Variants in CPEB3 observed in about 807,000 individuals in gnomAD.
The protein encoded by CPEB3 is cytoplasmic polyadenylation element-binding protein 3.
Under a neutral mutation model 67.2 loss-of-function variants are expected in CPEB3, and 20 were observed. The ratio of observed to expected loss-of-function variants is 0.30; its 90% CI spans 0.21 to 0.43. The LOEUF is 0.43. CPEB3 is among the 20% of genes least tolerant of loss of function. The pLI, the probability that CPEB3 is intolerant of heterozygous loss-of-function variation, is 1.00. For synonymous variants in CPEB3, 376 were observed against 393.1 expected (o/e 0.96, Z 0.51); for missense variants, 746 against 968.6 (o/e 0.77, Z 3.05).
chr10:92,236,898 A>G (rs898746414), intron 2 of CPEB3, among the ~76,000 whole-genome samples: 1 of 152,208 alleles, frequency 6.6e-6, no homozygotes, highest in African/African-American at 2.4e-5. Context: ...TTTAACATAC[A>G]TTAGAGTAGA....
intron 6 of CPEB3, among the ~76,000 whole-genome samples, chr10:92,130,406 T>C (rs960351843): frequency 1.3e-5 from 2 of 152,100 alleles, no homozygotes; most frequent in Admixed American, 1.3e-4. Context: ...AAACAAACAT[T>C]GTGACTTTTA....
chr10:92,092,291 G>T (rs769617199), intron 7 of CPEB3, among the ~76,000 whole-genome samples: 1 of 152,084 alleles, frequency 6.6e-6, no homozygotes, highest in Admixed American at 6.6e-5. Flanking sequence ...TGTTTACAAC[G>T]TGTCACAGTA....
chr10:92,284,162 T>C (rs959395154), intron 1 of CPEB3, among the ~76,000 whole-genome samples: 5 of 151,620 alleles, frequency 3.3e-5, no homozygotes, highest in South Asian at 2.1e-4. Flanking sequence ...CCTTAGCCTC[T>C]TGACTAGCTG....
intron 3 of CPEB3, among the ~76,000 whole-genome samples, chr10:92,183,212 C>T (rs1326847395): frequency 2.0e-5 from 3 of 152,022 alleles, no homozygotes; most frequent in South Asian, 2.1e-4. Context: ...ATTTCATAAA[C>T]GTTTTCATAT....
At chr10:92,144,432 G>A (rs975318430) in intron 5 of CPEB3, among the ~76,000 whole-genome samples, 5 of 151,900 alleles carry the variant, frequency 3.3e-5, no homozygotes, top group African/African-American at 9.7e-5. Context: ...CACCATACCC[G>A]GCTAATCTTG....
chr10:92,106,495 G>C (rs1844460941), intron 7 of CPEB3, among the ~76,000 whole-genome samples: 2 of 152,056 alleles, frequency 1.3e-5, no homozygotes, highest in Admixed American at 1.3e-4. Context: ...GCATTTGTAA[G>C]GAGTCTTTAA....
At chr10:92,193,782 C>A (rs1479880111) in intron 2 of CPEB3, among the ~76,000 whole-genome samples, 2 of 151,560 alleles carry the variant, frequency 1.3e-5, no homozygotes, top group Admixed American at 1.3e-4. Context: ...TATTGGATAT[C>A]TTTAACATTT....
At chr10:92,170,523 G>A (rs1847951459) in intron 4 of CPEB3, among the ~76,000 whole-genome samples, 1 of 152,110 alleles carries the variant, frequency 6.6e-6, no homozygotes, top group Non-Finnish European at 1.5e-5. Context: ...CCTCATACTT[G>A]TGACCTGACA....
At chr10:92,064,190 A>C (rs1842465325) in intron 9 of CPEB3, among the ~76,000 whole-genome samples, 1 of 152,198 alleles carries the variant, frequency 6.6e-6, no homozygotes, top group Non-Finnish European at 1.5e-5. Context: ...TGTGAAGGGC[A>C]GAAGAGATGT....
At chr10:92,060,770 C>T (rs1437058097) in intron 9 of CPEB3, among the ~76,000 whole-genome samples, 1 of 152,196 alleles carries the variant, frequency 6.6e-6, no homozygotes, top group Non-Finnish European at 1.5e-5. Context: ...AGGTGCTCAA[C>T]ATCACTGATC....
At chr10:92,134,448 A>C (rs1845992238) in intron 6 of CPEB3, among the ~76,000 whole-genome samples, 1 of 151,900 alleles carries the variant, frequency 6.6e-6, no homozygotes, top group South Asian at 2.1e-4. Flanking sequence ...TAGGAATCCA[A>C]CTTACAAGGG....
chr10:92,190,705 A>C (rs1464689453), intron 3 of CPEB3, among the ~76,000 whole-genome samples: 2 of 135,544 alleles, frequency 1.5e-5, no homozygotes, highest in East Asian at 4.7e-4. Flanking sequence ...AAAAAAAAGG[A>C]GGAGGAAAAA....
intron 2 of CPEB3, among the ~76,000 whole-genome samples, chr10:92,228,032 G>T (rs1221971095): frequency 6.6e-6 from 1 of 152,014 alleles, no homozygotes; most frequent in Non-Finnish European, 1.5e-5. Context: ...GACTACAGAC[G>T]TGCACCACCA....
At chr10:92,128,893 G>A (rs1215632505) in intron 6 of CPEB3, among the ~76,000 whole-genome samples, 2 of 152,194 alleles carry the variant, frequency 1.3e-5, no homozygotes, top group African/African-American at 4.8e-5. Context: ...CACTGCTGGT[G>A]GGAGTGTAAA....
At chr10:92,280,820 C>T (rs1380011641) in intron 1 of CPEB3, among the ~76,000 whole-genome samples, 5 of 124,864 alleles carry the variant, frequency 4.0e-5, no homozygotes, top group African/African-American at 6.5e-5. Context: ...AGTACAGTGG[C>T]GGGATTTCAG....
intron 2 of CPEB3, among the ~76,000 whole-genome samples, chr10:92,202,187 C>T (rs1297653755): frequency 1.3e-5 from 2 of 152,106 alleles, no homozygotes; most frequent in African/African-American, 4.8e-5. Context: ...GGCACAGCCA[C>T]TTTGGAAAAA....
chr10:92,100,551 C>T (rs894876363), intron 7 of CPEB3, among the ~76,000 whole-genome samples: 25 of 152,224 alleles, frequency 1.6e-4, no homozygotes, highest in African/African-American at 4.6e-4. Flanking sequence ...GCTGGGATTA[C>T]AGGCATGAGC....
chr10:92,091,425 T>C (rs1843614072), intron 8 of CPEB3, among the ~76,000 whole-genome samples: 1 of 151,456 alleles, frequency 6.6e-6, no homozygotes, highest in African/African-American at 2.4e-5. Flanking sequence ...TCTGCTCAAA[T>C]CCAGCAGCAC....
intron 2 of CPEB3, among the ~76,000 whole-genome samples, chr10:92,207,473 T>C (rs1317911608): frequency 1.3e-5 from 2 of 152,212 alleles, no homozygotes; most frequent in Non-Finnish European, 2.9e-5. Flanking sequence ...TTGTATGTGA[T>C]ATCTTTGTGC....
Sources: gnomAD v4.1 joint callset for allele counts (sites outside exome capture counted in the v4.1 genomes callset) on GRCh38, gnomAD v4.1.1 for gene constraint, MANE v1.5 for transcripts, NCBI Gene and HGNC (gene_info 2026-07-23, HGNC 2026-07-21) for gene names.